ADAM2: variants seen among roughly 807,000 people sequenced by gnomAD.
ADAM2 encodes the protein disintegrin and metalloproteinase domain-containing protein 2.
A neutral mutation model predicts 99.3 loss-of-function variants in ADAM2; 101 were observed. The observed-to-expected ratio is 1.02, with a 90% confidence interval of 0.87 to 1.20. The LOEUF is 1.20. Among genes scored for constraint, ADAM2 ranks in the 50% most tolerant of loss-of-function variants. ADAM2 has a pLI of 0.00. For synonymous variants in ADAM2, 323 were observed against 287.6 expected (o/e 1.12, Z -1.25); for missense variants, 948 against 878.7 (o/e 1.08, Z -1.00).
At chr8:39,800,782 A>G (rs951703622) in intron 7 of ADAM2, among the ~76,000 whole-genome samples, 1 of 151,944 alleles carries the variant, frequency 6.6e-6, no homozygotes, top group Non-Finnish European at 1.5e-5. Flanking sequence ...GTGGTCTTCA[A>G]ACTCTTATAT....
At chr8:39,822,756 T>C (rs996561442) in intron 4 of ADAM2, among the ~76,000 whole-genome samples, 2 of 151,050 alleles carry the variant, frequency 1.3e-5, no homozygotes, top group Admixed American at 6.7e-5. Flanking sequence ...GTTTTTTTTT[T>C]GTTTTGTTTT....
At position 39,830,695 on chromosome 8, in the gene ADAM2, A is replaced by C. The variant is rs181757072; in HGVS notation, c.188+3249T>G. Among the ~76,000 whole-genome samples, 907 of 152,294 alleles carry C rather than the reference A, an allele frequency of 6.0e-3. 7 individuals carry two copies. Among genetic ancestry groups the C allele is most frequent in the Non-Finnish European group, 8.2e-3 (558 of 68,010 alleles). On this transcript the variant is annotated intron_variant, in intron 3 of 20. Transcript: ENST00000265708. ...CACATTATTTACGACAATAGTCGCA[A>C]GCATCAGAACACATTGATGTGAGCA...
chr8:39,835,951 A>G (rs1357508969), intron 2 of ADAM2, among the ~76,000 whole-genome samples: 1 of 152,030 alleles, frequency 6.6e-6, no homozygotes, highest in East Asian at 1.9e-4. Flanking sequence ...GTCAACAATT[A>G]TCCCTTGCAC....
chr8:39,789,715 C>T (rs1413625279), intron 7 of ADAM2, among the ~76,000 whole-genome samples: 1 of 151,362 alleles, frequency 6.6e-6, no homozygotes, highest in Non-Finnish European at 1.5e-5. Flanking sequence ...AAATTAAAAA[C>T]TTCCTGCTTC....
chr8:39,798,041 G>C (rs1372540160), intron 7 of ADAM2, among the ~76,000 whole-genome samples: 1 of 152,178 alleles, frequency 6.6e-6, no homozygotes, highest in Non-Finnish European at 1.5e-5. Flanking sequence ...TCTTTCTCTT[G>C]CCTGATGGCC....
At chr8:39,785,585 C>T (rs1803433133) in intron 10 of ADAM2, among the ~76,000 whole-genome samples, 1 of 152,276 alleles carries the variant, frequency 6.6e-6, no homozygotes, top group South Asian at 2.1e-4. Flanking sequence ...CACATGAGGT[C>T]AGGAGTTCAA....
rs151147511 is a variant in ADAM2 at position 39,785,410 on chromosome 8, T to C, written c.891+1564A>G. 2.0e-3 allele frequency among the ~76,000 whole-genome samples: 299 copies of C among 152,292 alleles called. 6 individuals are homozygous for C. Among genetic ancestry groups the C allele is most frequent in the Admixed American group, 0.015 (234 of 15,292 alleles). ...TGAGGAAAACAGACTGCTTATACACTGTTAGGGGGACTAGAATTAGTTCAG... is the reference window on the plus strand; with the variant it reads ...TGAGGAAAACAGACTGCTTATACACCGTTAGGGGGACTAGAATTAGTTCAG... On this transcript the variant is annotated intron_variant, in intron 10 of 20. Coordinates refer to ENST00000265708, the MANE Select transcript of ADAM2 (RefSeq NM_001464.5).
intron 10 of ADAM2, among the ~76,000 whole-genome samples, chr8:39,779,555 T>A (rs1803136593): frequency 6.6e-6 from 1 of 152,188 alleles, no homozygotes; most frequent in South Asian, 2.1e-4. Flanking sequence ...TTGTTATTAT[T>A]ATCTCTGATT....
At chr8:39,831,158 G>A (rs1318031380) in intron 3 of ADAM2, among the ~76,000 whole-genome samples, 2 of 152,154 alleles carry the variant, frequency 1.3e-5, no homozygotes, top group Non-Finnish European at 2.9e-5. Context: ...AGCCCAAACA[G>A]ACTAAGACAC....
chr8:39,749,830 A>G, intron 16 of ADAM2, 86 bp from the exon 17 acceptor site: 2 of 925,716 alleles, frequency 2.2e-6, no homozygotes, highest in East Asian at 2.5e-5. Context: ...ATACCATATT[A>G]CCATGGACTA....
chr8:39,810,915 G>A (rs1320516814), intron 6 of ADAM2, among the ~76,000 whole-genome samples: 1 of 151,938 alleles, frequency 6.6e-6, no homozygotes, highest in Non-Finnish European at 1.5e-5. Context: ...CCTAGCAGAA[G>A]GCAAGAAATA....
chr8:39,800,810 C>G (rs73615810), intron 7 of ADAM2, among the ~76,000 whole-genome samples: 36,185 of 151,910 alleles, frequency 0.24, 5,838 homozygotes, highest in African/African-American at 0.45. Flanking sequence ...TCTACTTGGT[C>G]AATTCAGCTG....
At chr8:39,797,432 G>C (rs879146972) in intron 7 of ADAM2, among the ~76,000 whole-genome samples, 1 of 152,196 alleles carries the variant, frequency 6.6e-6, no homozygotes, top group African/African-American at 2.4e-5. Flanking sequence ...CCAGTACCAT[G>C]CTGTTTTGCT....
intron 9 of ADAM2, among the ~76,000 whole-genome samples, chr8:39,787,640 G>T (rs1803525840): frequency 6.6e-6 from 1 of 150,996 alleles, no homozygotes; most frequent in Admixed American, 6.6e-5. Context: ...TAGAAAGGAA[G>T]GCTAATGTAC....
Position 39,786,990 on chromosome 8 carries a change from G to T in ADAM2, c.875C>A (p.Ala292Glu). ...FQGKMCDANYAGGVVLHPRTI... is the reference protein window; with the variant it reads ...FQGKMCDANYEGGVVLHPRTI... ...ATACCATACCAGAACAACACCTCCT[G>T]CATAGTTTGCATCACACATCTTCCC... Residue 292 changes from alanine (A) to glutamate (E), a missense_variant, in exon 10 of 21, where the codon GCA becomes GAA. Ala to Glu is a moderately radical substitution (Grantham distance 107). Transcript: ENST00000265708. 6.3e-7 allele frequency: 1 copy of T among 1,590,636 alleles called. No individual in the cohort carries two copies. The highest frequency in any genetic ancestry group is 8.6e-7 in the Non-Finnish European group (1 of 1,168,398).
intron 16 of ADAM2, 51 bp downstream of exon 16, chr8:39,755,677 G>A: frequency 7.0e-7 from 1 of 1,437,876 alleles, no homozygotes; most frequent in Non-Finnish European, 9.6e-7. Context: ...TCTCAAAAAA[G>A]GGCAAAGTCT....
chr8:39,747,226 T>C (rs976516115), intron 18 of ADAM2, among the ~76,000 whole-genome samples: 4 of 152,202 alleles, frequency 2.6e-5, no homozygotes, highest in African/African-American at 9.6e-5. Context: ...CTATAGTTGA[T>C]TGGGGACCAA....
chr8:39,821,126 A>C lies in ADAM2; in HGVS notation c.389T>G (p.Leu130Arg). ...ATGTTCAAAGCCAACTGAAGACTCC[A>C]GGGGTTCTATTCCATAACTAACATT... ...FENVSYGIEP[L>R]ESSVGFEHVI... The change falls in exon 6 of 21, where the codon CTG (leucine) becomes CGG (arginine). Residue 130 changes from leucine (L) to arginine (R), a missense_variant. Transcript: ENST00000265708. The C allele has an allele frequency of 6.2e-7, 1 of 1,610,882 alleles. No individual in the cohort carries two copies. The highest frequency in any genetic ancestry group is 2.2e-5 in the East Asian group (1 of 44,774).
At chr8:39,796,506 G>A (rs1203401781) in intron 7 of ADAM2, among the ~76,000 whole-genome samples, 2 of 152,130 alleles carry the variant, frequency 1.3e-5, no homozygotes, top group East Asian at 3.9e-4. Context: ...AAACATACAT[G>A]AGCATGTGTC....
Sources: allele counts gnomAD v4.1 joint callset (sites outside exome capture counted in the v4.1 genomes callset), GRCh38; gene constraint gnomAD v4.1.1; transcripts MANE v1.5; gene names NCBI Gene and HGNC (gene_info 2026-07-23, HGNC 2026-07-21).